Variants in MAN1A1 observed in about 807,000 individuals in gnomAD.
MAN1A1 encodes mannosidase alpha class 1A member 1.
A neutral mutation model predicts 70.8 loss-of-function variants in MAN1A1; 29 were observed. The observed-to-expected ratio is 0.41, with a 90% CI of 0.31 to 0.56. The LOEUF is 0.56. Ranked by LOEUF, MAN1A1 falls within the 20% of genes least tolerant of loss-of-function variation. MAN1A1 has a pLI of 0.29. For synonymous variants in MAN1A1, 349 were observed against 330.1 expected, an observed-to-expected ratio of 1.06 and a Z score of -0.62; for missense variants, 747 against 841.3, an observed-to-expected ratio of 0.89 and a Z score of 1.39.
rs139703423 is a variant in MAN1A1 at position 119,189,684 on chromosome 6, T to C, written c.1526A>G (p.His509Arg). 2.1e-5 allele frequency: 34 copies of C among 1,613,980 alleles called. No individual in the cohort carries two copies. In the African/African-American group the frequency reaches 4.0e-4, roughly 19 times the overall value. ...CTCACATGTTCGATTATATGATTCA[T>C]GACAAGTACGGGCAATTTCAGCCCC... ...ELGAEIARTC[H>R]ESYNRTFMKL... Residue 509 changes from histidine to arginine, a missense_variant, in exon 10 of 13, where the codon CAT (histidine) becomes CGT (arginine). His to Arg is a conservative substitution (Grantham distance 29). This residue lies in a region of MAN1A1 where 419 missense variants were observed against 548.2 expected (regional missense o/e 0.76). Coordinates refer to ENST00000368468, the MANE Select transcript of MAN1A1 (RefSeq NM_005907.4).
intron 6 of MAN1A1, among the ~76,000 whole-genome samples, chr6:119,229,515 C>T (rs1774616285): frequency 1.3e-5 from 2 of 152,146 alleles, no homozygotes; most frequent in South Asian, 4.1e-4. Flanking sequence ...TATTACTTAT[C>T]TATAAATTGT....
intron 8 of MAN1A1, among the ~76,000 whole-genome samples, chr6:119,198,536 C>T (rs1773634126): frequency 6.6e-6 from 1 of 152,154 alleles, no homozygotes; most frequent in African/African-American, 2.4e-5. Flanking sequence ...ATATTTACTA[C>T]ATTGGAAAAT....
chr6:119,179,984 T>TA, intron 12 of MAN1A1, 39 bp from the exon 13 acceptor site: 1 of 1,604,942 alleles, frequency 6.2e-7, no homozygotes, highest in South Asian at 1.1e-5. Context: ...CCCAAGACAC[T>TA]AGGCAGGCAG....
chr6:119,205,147 A>C (rs1773825326), intron 6 of MAN1A1, among the ~76,000 whole-genome samples: 1 of 152,238 alleles, frequency 6.6e-6, no homozygotes, highest in African/African-American at 2.4e-5. Flanking sequence ...TCTTTTGGAA[A>C]ATACAGGTGC....
At chr6:119,243,573 C>T (rs1775070090) in intron 6 of MAN1A1, among the ~76,000 whole-genome samples, 1 of 152,032 alleles carries the variant, frequency 6.6e-6, no homozygotes, top group South Asian at 2.1e-4. Context: ...GGGGCTATCA[C>T]CTTTTCTTAA....
chr6:119,198,626 CAA>C (rs1773636396), intron 8 of MAN1A1, among the ~76,000 whole-genome samples: 1 of 151,960 alleles, frequency 6.6e-6, no homozygotes, highest in Non-Finnish European at 1.5e-5. Context: ...TACAATTTTT[CAA>C]AAAAGTTATA....
chr6:119,304,729 T>C (rs9489679), intron 3 of MAN1A1, among the ~76,000 whole-genome samples: 57,385 of 151,948 alleles, frequency 0.38, 11,309 homozygotes, highest in Non-Finnish European at 0.41. Flanking sequence ...GGCTAATAAC[T>C]GGGAAAAGAT....
intron 6 of MAN1A1, among the ~76,000 whole-genome samples, chr6:119,207,566 G>A (rs189875099): frequency 6.6e-6 from 1 of 152,324 alleles, no homozygotes; most frequent in Admixed American, 6.5e-5. Context: ...GTGTGTCTCA[G>A]AGAAATGGCT....
chr6:119,331,598 T>TATAA lies in MAN1A1; in HGVS notation c.603+16864_603+16865insTTAT, dbSNP rs1491119267. Among the ~76,000 whole-genome samples the TATAA allele has an allele frequency of 5.6e-5, 8 of 142,506 alleles. No homozygotes were observed. In the East Asian group the frequency reaches 6.3e-4, roughly 11 times the overall value. The allele number at this position is 142,506 out of a possible 152,430, so 93.5% of individuals were successfully genotyped here. On this transcript the variant is annotated intron_variant, in intron 2 of 12. Coordinates refer to ENST00000368468, the MANE Select transcript of MAN1A1 (RefSeq NM_005907.4). Reference sequence around the variant, plus strand: ...ATATATATATATATATATATATATATAATCAAGGGGATATAAACATACATG... The same window carrying TATAA: ...ATATATATATATATATATATATATATATAAAATCAAGGGGATATAAACATACATG...
At position 119,260,043 on chromosome 6, in the gene MAN1A1, C is replaced by A. The variant is rs894985129; in HGVS notation, c.898-11689G>T. Reference sequence around the variant, plus strand: ...CTATTTCATAATGTTTTAAACCCATCCCTACCAATTTAATCTACATTGTAT... The same window carrying A: ...CTATTTCATAATGTTTTAAACCCATACCTACCAATTTAATCTACATTGTAT... On this transcript the variant is annotated intron_variant, in intron 5 of 12. Transcript: ENST00000368468. 5.3e-5 allele frequency among the ~76,000 whole-genome samples: 8 copies of A among 152,234 alleles called. No homozygotes were observed. In the East Asian group the frequency reaches 1.5e-3, roughly 29 times the overall value.
At chr6:119,316,182 T>TC (rs1334974589) in intron 2 of MAN1A1, among the ~76,000 whole-genome samples, 2 of 149,956 alleles carry the variant, frequency 1.3e-5, no homozygotes, top group Non-Finnish European at 1.5e-5. Flanking sequence ...TGGGTTTTTT[T>TC]TTTTTTTTTT....
chr6:119,202,220 A>T (rs1251898875), intron 7 of MAN1A1, among the ~76,000 whole-genome samples: 2 of 152,114 alleles, frequency 1.3e-5, no homozygotes, highest in Non-Finnish European at 2.9e-5. Flanking sequence ...TTATATTCTT[A>T]TAAGTTTTTT....
chr6:119,332,501 T>A (rs1773346081), intron 2 of MAN1A1, among the ~76,000 whole-genome samples: 1 of 152,150 alleles, frequency 6.6e-6, no homozygotes, highest in African/African-American at 2.4e-5. Context: ...CCAAAAATAC[T>A]TGGAAATTAA....
chr6:119,280,939 G>T (rs17588655), intron 5 of MAN1A1, among the ~76,000 whole-genome samples: 1 of 152,128 alleles, frequency 6.6e-6, no homozygotes, highest in Admixed American at 6.6e-5. Flanking sequence ...AAAGCACCAG[G>T]TCTTTAACAT....
intron 4 of MAN1A1, among the ~76,000 whole-genome samples, chr6:119,295,702 A>G (rs1465530022): frequency 2.0e-5 from 3 of 152,180 alleles, no homozygotes; most frequent in Non-Finnish European, 4.4e-5. Flanking sequence ...TCCGATCTCT[A>G]CAATCAGAGA....
rs377056010 is a variant in MAN1A1, at chr6:119,235,855, T to C, written c.992+12405A>G. ...GGGCCCTTAGGAATTACACTAAATC[T>C]GGCTGGGTGTGATGGCTCACGCCTG... On this transcript the variant is annotated intron_variant, in intron 6 of 12. Transcript: ENST00000368468. Among the ~76,000 whole-genome samples, 291 of 152,302 alleles carry C rather than the reference T, an allele frequency of 1.9e-3. 2 individuals are homozygous for C. The highest frequency in any genetic ancestry group is 6.8e-3 in the Middle Eastern group (2 of 294).
In MAN1A1 at chr6:119,348,912, T is replaced by C; in HGVS notation, c.154A>G (p.Ile52Val). ...AAGATCGCCCCGAAGCAGAGCGTGA[T>C]GAAGGCGCTGAATACCAGCAGCAGC... is the stretch of plus-strand genomic sequence containing the variant. The part of the protein sequence containing the change: ...FVLLLVFSAF[I>V]TLCFGAIFFL... Residue 52 changes from isoleucine to valine, a missense_variant, in exon 2 of 13, where the codon ATC becomes GTC. This residue lies in a region of MAN1A1 where 328 missense variants were observed against 293.1 expected (regional missense o/e 1.12). Coordinates refer to ENST00000368468, the MANE Select transcript of MAN1A1 (RefSeq NM_005907.4). The C allele has an allele frequency of 6.5e-7, 1 of 1,534,638 alleles. No individual in the cohort carries two copies. The highest frequency in any genetic ancestry group is 1.2e-5 in the South Asian group (1 of 82,376).
chr6:119,212,000 C>G (rs1705683930), intron 6 of MAN1A1, among the ~76,000 whole-genome samples: 1 of 151,936 alleles, frequency 6.6e-6, no homozygotes, highest in Non-Finnish European at 1.5e-5. Context: ...ACCACCATGC[C>G]TGGCTAATTT....
intron 7 of MAN1A1, among the ~76,000 whole-genome samples, chr6:119,203,737 A>G (rs1773780511): frequency 6.6e-6 from 1 of 152,156 alleles, no homozygotes. Flanking sequence ...CCAAGATAGC[A>G]AAGACTGGAG....
Sources: gnomAD v4.1 joint callset for allele counts (sites outside exome capture counted in the v4.1 genomes callset) on GRCh38, gnomAD v4.1.1 for gene constraint, gnomAD v4.1.1 regional missense constraint, MANE v1.5 for transcripts, NCBI Gene and HGNC (gene_info 2026-07-23, HGNC 2026-07-21) for gene names.